The following ATF7 variants were observed in gnomAD, a reference collection of about 807,000 sequenced individuals.
ATF7 encodes the protein cyclic AMP-dependent transcription factor ATF-7.
ATF7 carries 10 observed loss-of-function variants against 50.4 expected under a neutral mutation model. The observed-to-expected ratio is 0.20, with a 90% CI of 0.12 to 0.34. ATF7 has a LOEUF of 0.34. ATF7 is among the 10% of genes least tolerant of loss of function. The probability of loss-of-function intolerance (pLI) is 1.00; values close to 1 mark genes in which losing one functional copy is unlikely to be tolerated. For synonymous variants in ATF7, 201 were observed against 226.4 expected, an observed-to-expected ratio of 0.89 and a Z score of 1.01; for missense variants, 465 against 613.9, an observed-to-expected ratio of 0.76 and a Z score of 2.56.
At chr12:53,583,156 C>T (rs1309376230) in intron 2 of ATF7, among the ~76,000 whole-genome samples, 1 of 152,184 alleles carries the variant, frequency 6.6e-6, no homozygotes, top group Non-Finnish European at 1.5e-5. Flanking sequence ...GGAACACCTA[C>T]ACCAGGGGCC....
intron 1 of ATF7, among the ~76,000 whole-genome samples, chr12:53,610,493 A>T (rs1009455108): frequency 6.6e-6 from 1 of 150,622 alleles, no homozygotes; most frequent in Admixed American, 6.6e-5. Flanking sequence ...TGAACCCAGA[A>T]GGCGGAGGTT....
intron 2 of ATF7, among the ~76,000 whole-genome samples, chr12:53,585,110 C>CT (rs1942612566): frequency 6.6e-6 from 1 of 152,072 alleles, no homozygotes; most frequent in Non-Finnish European, 1.5e-5. Flanking sequence ...ATAGCTGGGA[C>CT]TACAGGTGCA....
intron 1 of ATF7, among the ~76,000 whole-genome samples, chr12:53,610,604 A>G (rs1943827584): frequency 6.6e-6 from 1 of 151,654 alleles, no homozygotes; most frequent in South Asian, 2.1e-4. Flanking sequence ...TGGACACCAC[A>G]TCTATTTACA....
At chr12:53,549,919 C>T (rs1368705110) in intron 3 of ATF7, among the ~76,000 whole-genome samples, 7 of 152,048 alleles carry the variant, frequency 4.6e-5, no homozygotes, top group East Asian at 1.9e-4. Flanking sequence ...GGTTTCACCT[C>T]GTTAGTGAGA....
chr12:53,590,980 C>A (rs1592944264), intron 2 of ATF7, among the ~76,000 whole-genome samples: 1 of 152,064 alleles, frequency 6.6e-6, no homozygotes, highest in Non-Finnish European at 1.5e-5. Context: ...CGAAACCCCA[C>A]AGAATGTATA....
intron 2 of ATF7, among the ~76,000 whole-genome samples, chr12:53,564,366 ACT>A (rs1247824364): frequency 1.3e-5 from 2 of 152,144 alleles, no homozygotes; most frequent in South Asian, 2.1e-4. Context: ...ACAGAGCAAG[ACT>A]CTGTTTCAAA....
chr12:53,535,320 C>CTT, intron 5 of ATF7, among the ~76,000 whole-genome samples: 14 of 116,078 alleles, frequency 1.2e-4, no homozygotes, highest in African/African-American at 6.4e-4. Flanking sequence ...CAGAGCGAGA[C>CTT]TCTGCCTCAA....
rs1938567014 is a variant in ATF7, at chr12:53,527,844, G to T, written c.928-3083C>A. Among the ~76,000 whole-genome samples the T allele has an allele frequency of 3.3e-5, 5 of 151,760 alleles. No individual in the cohort carries two copies. In the South Asian group the frequency reaches 1.0e-3, roughly 32 times the overall value. On this transcript the variant is annotated intron_variant, in intron 9 of 11. Coordinates refer to ENST00000420353, the MANE Select transcript of ATF7 (RefSeq NM_006856.3). ...ATTCTCCATTAATATAGATAATTAAGAAATGATTTTTTTTTGAGATGGAGT... is the reference window on the plus strand; with the variant it reads ...ATTCTCCATTAATATAGATAATTAATAAATGATTTTTTTTTGAGATGGAGT...
chr12:53,546,977 CTTTTTTTTTTT>C (rs565759569), intron 3 of ATF7, among the ~76,000 whole-genome samples: 6,176 of 116,448 alleles, frequency 0.053, 419 homozygotes, highest in African/African-American at 0.16. Context: ...CAGGCTGGCT[CTTTTTTTTTTT>C]TTTTTTTTTT....
At chr12:53,546,803 G>C (rs1416026418) in intron 3 of ATF7, among the ~76,000 whole-genome samples, 1 of 151,276 alleles carries the variant, frequency 6.6e-6, no homozygotes, top group Non-Finnish European at 1.5e-5. Flanking sequence ...TGCCACCCAG[G>C]CGGGAGAGCA....
Position 53,517,360 on chromosome 12 carries a change from AG to A in ATF7, c.1235-7del. 6.2e-7 allele frequency: 1 copy of A among 1,611,432 alleles called. No homozygotes were observed. Among genetic ancestry groups the A allele is most frequent in the Non-Finnish European group, 8.5e-7 (1 of 1,178,642 alleles). ...TGAGCTTTCCTTGGGGCTTTCTGCC[AG>A]GAAGGAGGGCAAAGAGCAGAGAGCA... is the stretch of plus-strand genomic sequence containing the variant. On this transcript the variant is annotated splice_region_variant and splice_polypyrimidine_tract_variant and intron_variant, in intron 11 of 11. Transcript: ENST00000420353.
At chr12:53,541,450 G>T (rs1483707793) in intron 4 of ATF7, among the ~76,000 whole-genome samples, 1 of 152,106 alleles carries the variant, frequency 6.6e-6, no homozygotes, top group African/African-American at 2.4e-5. Context: ...AGTAAAATTT[G>T]ATCTTTGCAT....
chr12:53,610,564 CAAA>C (rs528813775), intron 1 of ATF7, among the ~76,000 whole-genome samples: 5 of 55,018 alleles, frequency 9.1e-5, no homozygotes, highest in Non-Finnish European at 8.3e-5. Flanking sequence ...GACTCTGTCT[CAAA>C]AAAAAAAAAA....
intron 2 of ATF7, among the ~76,000 whole-genome samples, chr12:53,596,523 T>G (rs1943165629): frequency 6.6e-6 from 1 of 152,214 alleles, no homozygotes; most frequent in African/African-American, 2.4e-5. Context: ...TAAATCTGCA[T>G]AATTTATACT....
At chr12:53,555,441 G>C (rs1940670403) in intron 2 of ATF7, among the ~76,000 whole-genome samples, 1 of 150,840 alleles carries the variant, frequency 6.6e-6, no homozygotes, top group African/African-American at 2.4e-5. Flanking sequence ...CCAGGTATTT[G>C]GTAAGAGGAA....
At chr12:53,602,374 C>T (rs910422457) in intron 1 of ATF7, among the ~76,000 whole-genome samples, 2 of 152,274 alleles carry the variant, frequency 1.3e-5, no homozygotes, top group East Asian at 1.9e-4. Context: ...ATCTGGTAAT[C>T]GGAAAACCAT....
chr12:53,541,070 G>C (rs1321748405), intron 4 of ATF7, among the ~76,000 whole-genome samples: 1 of 152,136 alleles, frequency 6.6e-6, no homozygotes, highest in African/African-American at 2.4e-5. Context: ...AGCATAAAAA[G>C]AAACTCATAG....
At chr12:53,562,796 G>A (rs895179261) in intron 2 of ATF7, among the ~76,000 whole-genome samples, 8 of 152,096 alleles carry the variant, frequency 5.3e-5, no homozygotes, top group Non-Finnish European at 1.0e-4. Context: ...ATGCAAGGAT[G>A]CAAGAAGATC....
chr12:53,535,533 T>C lies in ATF7; in HGVS notation c.403-874A>G, dbSNP rs192299636. Reference sequence around the variant, plus strand: ...AAGCATGAGGGGGCTTCTGAGGTTCTAAGAAAATGTTTTTGATCTAGGTGC... The same window carrying C: ...AAGCATGAGGGGGCTTCTGAGGTTCCAAGAAAATGTTTTTGATCTAGGTGC... On this transcript the variant is annotated intron_variant, in intron 5 of 11. Coordinates refer to ENST00000420353, the MANE Select transcript of ATF7 (RefSeq NM_006856.3). Among the ~76,000 whole-genome samples, 141 of 152,254 alleles carry C rather than the reference T, an allele frequency of 9.3e-4. 1 individual carries two copies. The highest frequency in any genetic ancestry group is 3.3e-3 in the African/African-American group (136 of 41,508).
Sources: allele counts gnomAD v4.1 joint callset (sites outside exome capture counted in the v4.1 genomes callset), GRCh38; gene constraint gnomAD v4.1.1; transcripts MANE v1.5; gene names NCBI Gene and HGNC (gene_info 2026-07-23, HGNC 2026-07-21).